ZFAND4: variants seen among roughly 807,000 people sequenced by gnomAD.
The protein encoded by ZFAND4 is AN1-type zinc finger protein 4.
In ZFAND4, 43 loss-of-function variants were observed where a neutral mutation model predicts 64.4. The observed-to-expected ratio is 0.67, with a 90% CI of 0.52 to 0.86. The LOEUF (loss-of-function observed/expected upper bound fraction) is 0.86, where lower values mean the gene tolerates loss of function less well. Among genes scored for constraint, ZFAND4 ranks in the 40% least tolerant of loss-of-function variants. The pLI, the probability that ZFAND4 is intolerant of heterozygous loss-of-function variation, is 0.00. For synonymous variants in ZFAND4, 296 were observed against 305.7 expected, an observed-to-expected ratio of 0.97 and a Z score of 0.33; for missense variants, 929 against 859.8, an observed-to-expected ratio of 1.08 and a Z score of -1.01.
intron 8 of ZFAND4, among the ~76,000 whole-genome samples, chr10:45,622,822 G>A (rs1243955927): frequency 1.3e-5 from 2 of 152,030 alleles, no homozygotes; most frequent in Admixed American, 1.3e-4. Context: ...GTTGTATACT[G>A]TTAACGACTG....
At chr10:45,661,367 CCTT>C (rs2048461169) in intron 2 of ZFAND4, among the ~76,000 whole-genome samples, 1 of 152,108 alleles carries the variant, frequency 6.6e-6, no homozygotes, top group African/African-American at 2.4e-5. Flanking sequence ...GCTGCAGCCT[CCTT>C]GTTCCTAATG....
chr10:45,626,036 G>C lies in ZFAND4; in HGVS notation c.1787C>G (p.Thr596Ser). 1 of 1,614,124 alleles carries C rather than the reference G, an allele frequency of 6.2e-7. No individual in the cohort carries two copies. The change falls in exon 7 of 10, where the codon ACT becomes AGT. Residue 596 changes from threonine (T) to serine (S), a missense_variant. Transcript: ENST00000344646. ...RGAGRLQNSGTGLSTNLQHFQ... is the reference protein window; with the variant it reads ...RGAGRLQNSGSGLSTNLQHFQ... ...ATGCTGGAGGTTTGTAGACAGCCCA[G>C]TTCCAGAGTTCTGAAGCCTGCCTGC...
At chr10:45,631,814 G>A (rs2046241955) in intron 6 of ZFAND4, among the ~76,000 whole-genome samples, 1 of 152,080 alleles carries the variant, frequency 6.6e-6, no homozygotes. Context: ...ATTATCACAT[G>A]TACCCTGAAA....
intron 2 of ZFAND4, among the ~76,000 whole-genome samples, chr10:45,661,379 T>C (rs1027010620): frequency 7.2e-5 from 11 of 152,112 alleles, no homozygotes; most frequent in Admixed American, 2.6e-4. Context: ...TTGTTCCTAA[T>C]GCAGCACACT....
intron 6 of ZFAND4, among the ~76,000 whole-genome samples, chr10:45,637,663 T>A (rs551044263): frequency 1.0e-3 from 158 of 152,130 alleles, no homozygotes; most frequent in African/African-American, 3.7e-3. Flanking sequence ...GGCAGAAGAA[T>A]TGCTTGAACC....
chr10:45,662,134 T>A (rs568101228), intron 2 of ZFAND4, among the ~76,000 whole-genome samples: 7 of 152,310 alleles, frequency 4.6e-5, no homozygotes, highest in Admixed American at 4.6e-4. Context: ...TCCAGCAGAC[T>A]AAGATAGTAG....
At chr10:45,655,076 T>C (rs1392510699) in intron 2 of ZFAND4, among the ~76,000 whole-genome samples, 6 of 152,168 alleles carry the variant, frequency 3.9e-5, no homozygotes, top group Non-Finnish European at 5.9e-5. Flanking sequence ...ACATGAAACA[T>C]TCTCCAAGAT....
intron 2 of ZFAND4, 61 bp downstream of exon 2, chr10:45,663,481 C>A (rs1405014232): frequency 7.6e-7 from 1 of 1,311,910 alleles, no homozygotes. Flanking sequence ...TTAAAAACTA[C>A]TAGACATTAT....
Position 45,648,535 on chromosome 10 carries a change from C to G in ZFAND4, c.329-1G>C. The G allele has an allele frequency of 6.3e-7, 1 of 1,590,170 alleles. No individual in the cohort carries two copies. Among genetic ancestry groups the G allele is most frequent in the East Asian group, 2.2e-5 (1 of 44,560 alleles). ...TTCCTAAGTGGATCGTCTGTAGGAACTACAAATGGAAAATTGAAATAAGTC... is the reference window on the plus strand; with the variant it reads ...TTCCTAAGTGGATCGTCTGTAGGAAGTACAAATGGAAAATTGAAATAAGTC... On this transcript the variant is annotated splice_acceptor_variant, in intron 4 of 9. Coordinates refer to ENST00000344646, the MANE Select transcript of ZFAND4 (RefSeq NM_174890.4). LOFTEE classifies it high-confidence loss of function.
At chr10:45,624,301 G>A (rs2045639672) in intron 8 of ZFAND4, among the ~76,000 whole-genome samples, 1 of 152,146 alleles carries the variant, frequency 6.6e-6, no homozygotes, top group African/African-American at 2.4e-5. Flanking sequence ...AAGGTGGTTG[G>A]GAACTACATG....
chr10:45,617,474 A>C (rs965136348), intron 9 of ZFAND4, among the ~76,000 whole-genome samples: 3 of 151,754 alleles, frequency 2.0e-5, no homozygotes, highest in Non-Finnish European at 4.4e-5. Context: ...AAAAAATTTA[A>C]AAAATTAACC....
chr10:45,649,084 T>C (rs753383887), intron 4 of ZFAND4: 20 of 281,018 alleles, frequency 7.1e-5, no homozygotes, highest in Non-Finnish European at 2.7e-5. Flanking sequence ...CTGGCCAACA[T>C]GGTGAAACCC....
rs2045845801 is a variant in ZFAND4, at chr10:45,626,591, T to TCAGCGGAACA, written c.1231_1232insTGTTCCGCTG (p.Glu411ValfsTer4). On this transcript the variant is annotated stop_gained and frameshift_variant, in exon 7 of 10. Coordinates refer to ENST00000344646, the MANE Select transcript of ZFAND4 (RefSeq NM_174890.4). LOFTEE classifies it high-confidence loss of function. ...CGCACCTTCTAAGCCGCTGCTCTGT[T>TCAGCGGAACA]CATCAGCATTTCCTTCTGCAAATGA... 1 of 1,614,072 alleles carries TCAGCGGAACA rather than the reference T, an allele frequency of 6.2e-7. No homozygotes were observed. The highest frequency in any genetic ancestry group is 1.1e-5 in the South Asian group (1 of 91,090).
At chr10:45,640,497 A>C in intron 5 of ZFAND4, 2 of 1,009,304 alleles carry the variant, frequency 2.0e-6, no homozygotes, top group Non-Finnish European at 2.5e-6. Flanking sequence ...AGCAAAAAAC[A>C]TTTTTTTTTT....
At position 45,622,295 on chromosome 10, in the gene ZFAND4, T is replaced by A. The variant is rs1052187520; in HGVS notation, c.1927+2288A>T. Among the ~76,000 whole-genome samples the A allele has an allele frequency of 2.0e-5, 3 of 152,262 alleles. No homozygotes were observed. In the East Asian group the frequency reaches 5.8e-4, roughly 29 times the overall value. ...TTAATAAGAAAATGGGATGTTCACA[T>A]GCAAAAGAATGAAGTGGAACCCTTA... On this transcript the variant is annotated intron_variant, in intron 8 of 9. Transcript: ENST00000344646.
At chr10:45,637,843 A>G (rs2046718556) in intron 6 of ZFAND4, among the ~76,000 whole-genome samples, 1 of 152,176 alleles carries the variant, frequency 6.6e-6, no homozygotes, top group African/African-American at 2.4e-5. Context: ...GTAAAAGAAC[A>G]AGCCACCATA....
intron 8 of ZFAND4, among the ~76,000 whole-genome samples, chr10:45,624,341 T>C (rs916049466): frequency 6.6e-6 from 1 of 152,232 alleles, no homozygotes; most frequent in Admixed American, 6.5e-5. Context: ...GTGGGTTTTT[T>C]TGACATAGAT....
At chr10:45,660,050 T>C (rs2133836681) in intron 2 of ZFAND4, among the ~76,000 whole-genome samples, 1 of 151,168 alleles carries the variant, frequency 6.6e-6, no homozygotes, top group East Asian at 2.0e-4. Flanking sequence ...TAGTCCCACC[T>C]ACTCGGGAGG....
At chr10:45,651,608 A>G (rs570138197) in intron 4 of ZFAND4, 8 of 475,494 alleles carry the variant, frequency 1.7e-5, no homozygotes, top group Admixed American at 1.2e-4. Flanking sequence ...AACGATCATC[A>G]TCTTGGGATT....
Sources: allele counts gnomAD v4.1 joint callset (sites outside exome capture counted in the v4.1 genomes callset), GRCh38; gene constraint gnomAD v4.1.1; transcripts MANE v1.5; gene names NCBI Gene and HGNC (gene_info 2026-07-23, HGNC 2026-07-21).